NCOA7: variants seen among roughly 807,000 people sequenced by gnomAD.
The protein encoded by NCOA7 is nuclear receptor coactivator 7, also known as 140 kDa estrogen receptor-associated protein.
In NCOA7, 45 loss-of-function variants were observed where a neutral mutation model predicts 104.3. The ratio of observed to expected loss-of-function variants is 0.43; its 90% CI spans 0.34 to 0.55. NCOA7 has a LOEUF of 0.55. NCOA7 is among the 20% of genes least tolerant of loss of function. The probability of loss-of-function intolerance (pLI) is 0.02; values close to 1 mark genes in which losing one functional copy is unlikely to be tolerated. For synonymous variants in NCOA7, 398 were observed against 402.3 expected (o/e 0.99, Z 0.13); for missense variants, 1,041 against 1,119.7 (o/e 0.93, Z 1.00).
At chr6:125,830,000 A>G (rs1296267799) in intron 2 of NCOA7, among the ~76,000 whole-genome samples, 2 of 152,272 alleles carry the variant, frequency 1.3e-5, no homozygotes, top group Non-Finnish European at 2.9e-5. Flanking sequence ...TGGAATATCT[A>G]CTGCCTTTGA....
upstream of NCOA7, among the ~76,000 whole-genome samples, chr6:125,788,753 A>G (rs1774595556): frequency 7.1e-6 from 1 of 141,076 alleles, no homozygotes; most frequent in African/African-American, 2.7e-5. Context: ...CATGTTGGCC[A>G]GGATGGTCTC....
intron 2 of NCOA7, among the ~76,000 whole-genome samples, chr6:125,821,457 TC>T (rs1438637284): frequency 3.3e-5 from 5 of 152,188 alleles, no homozygotes; most frequent in African/African-American, 1.2e-4. Flanking sequence ...AGAACACAGG[TC>T]ACCTGACCTG....
intron 9 of NCOA7, among the ~76,000 whole-genome samples, chr6:125,890,254 C>G (rs961644785): frequency 6.6e-6 from 1 of 152,118 alleles, no homozygotes; most frequent in Non-Finnish European, 1.5e-5. Flanking sequence ...CCTTTATTTT[C>G]TAAATCTAGA....
At chr6:125,812,398 T>C (rs561263377) in intron 1 of NCOA7, among the ~76,000 whole-genome samples, 1 of 152,330 alleles carries the variant, frequency 6.6e-6, no homozygotes, top group East Asian at 1.9e-4. Flanking sequence ...ACAGTTTAGT[T>C]ATCTGCACAG....
intron 11 of NCOA7, among the ~76,000 whole-genome samples, chr6:125,919,957 A>C (rs1424757277): frequency 6.6e-6 from 1 of 152,202 alleles, no homozygotes; most frequent in Non-Finnish European, 1.5e-5. Flanking sequence ...TTGGTGAATT[A>C]GTTGTCTAAT....
intron 10 of NCOA7, among the ~76,000 whole-genome samples, chr6:125,910,290 T>G (rs1222432251): frequency 6.6e-6 from 1 of 152,208 alleles, no homozygotes; most frequent in Non-Finnish European, 1.5e-5. Flanking sequence ...CCTTTTTCTC[T>G]CAAGTCAGCT....
At chr6:125,836,071 C>T (rs542364257) in intron 2 of NCOA7, among the ~76,000 whole-genome samples, 15 of 152,240 alleles carry the variant, frequency 9.9e-5, no homozygotes, top group African/African-American at 2.6e-4. Flanking sequence ...CAAATTCTTT[C>T]ATTAGTTTAG....
intron 2 of NCOA7, among the ~76,000 whole-genome samples, chr6:125,823,420 A>G (rs1033713651): frequency 3.3e-5 from 5 of 152,170 alleles, no homozygotes; most frequent in Non-Finnish European, 5.9e-5. Flanking sequence ...TTTCAAAACC[A>G]TTTTCTATGA....
chr6:125,836,501 A>G (rs1779618295), intron 2 of NCOA7, among the ~76,000 whole-genome samples: 2 of 152,226 alleles, frequency 1.3e-5, no homozygotes, highest in Non-Finnish European at 2.9e-5. Flanking sequence ...AGTTAAAAAC[A>G]TATTTATTTT....
chr6:125,908,609 T>C lies in NCOA7; in HGVS notation c.2097-6724T>C, dbSNP rs1159813523. Among the ~76,000 whole-genome samples the C allele has an allele frequency of 2.6e-5, 4 of 152,324 alleles. No individual in the cohort carries two copies. The East Asian group carries it at 7.7e-4, about 29-fold the overall frequency. On this transcript the variant is annotated intron_variant, in intron 10 of 15. Coordinates refer to ENST00000392477, the MANE Select transcript of NCOA7 (RefSeq NM_181782.5). ...CCTCCTCAGGAAATCCTACAGACTT[T>C]ATATAAATCTTCCTTCTCCCTGACC... is the stretch of plus-strand genomic sequence containing the variant.
intron 1 of NCOA7, among the ~76,000 whole-genome samples, chr6:125,799,392 A>G (rs958170983): frequency 6.6e-6 from 1 of 151,108 alleles, no homozygotes; most frequent in African/African-American, 2.4e-5. Flanking sequence ...GCACTTAAGC[A>G]TTTGTGCCAC....
At position 125,928,609 on chromosome 6, in the gene NCOA7, CTT is replaced by C. The variant is rs76258285; in HGVS notation, c.2694-13_2694-12del. On this transcript the variant is annotated intron_variant, in intron 15 of 15. Coordinates refer to ENST00000392477, the MANE Select transcript of NCOA7 (RefSeq NM_181782.5). ...TCATGTAACATAGAAGTGTTTTTAC[CTT>C]TTTTTTTTTTTTTAACCTTTTCAGG... 15,790 of 1,399,766 alleles carry C rather than the reference CTT, an allele frequency of 0.011. No individual in the cohort carries two copies. The highest frequency in any genetic ancestry group is 0.024 in the South Asian group (1,827 of 76,274). 86.7% of individuals were successfully genotyped at this position (1,399,766 alleles called of 1,614,324 possible). A position where few individuals can be genotyped will look rare whatever the true frequency, so the allele number is the denominator to read the frequency against.
chr6:125,900,005 G>T, intron 10 of NCOA7: 1 of 533,296 alleles, frequency 1.9e-6, no homozygotes, highest in Non-Finnish European at 3.8e-6. Context: ...AATGGGTGCT[G>T]CACACAGTGT....
chr6:125,882,593 G>A (rs1180019354), intron 7 of NCOA7, 42 bp downstream of exon 7: 4 of 1,594,090 alleles, frequency 2.5e-6, no homozygotes, highest in Non-Finnish European at 2.6e-6. Context: ...TGAAATCTAT[G>A]AAAAACTAAA....
chr6:125,917,266 G>A lies in NCOA7; in HGVS notation c.2244+1786G>A, dbSNP rs1469488069. Among the ~76,000 whole-genome samples the A allele has an allele frequency of 2.6e-5, 4 of 151,904 alleles. No individual in the cohort carries two copies. The East Asian group carries it at 7.7e-4, about 29-fold the overall frequency. On this transcript the variant is annotated intron_variant, in intron 11 of 15. Coordinates refer to ENST00000392477, the MANE Select transcript of NCOA7 (RefSeq NM_181782.5). ...ATGTTTTGGAAACACTGACCTGTAGGGTAAGTTTTAAGCTCCTTCGTGGCA... is the reference window on the plus strand; with the variant it reads ...ATGTTTTGGAAACACTGACCTGTAGAGTAAGTTTTAAGCTCCTTCGTGGCA...
intron 2 of NCOA7, among the ~76,000 whole-genome samples, chr6:125,816,419 G>A (rs1024883495): frequency 2.6e-5 from 4 of 152,148 alleles, no homozygotes; most frequent in African/African-American, 7.2e-5. Context: ...TCCATTTCAT[G>A]CAGCATAAGA....
chr6:125,793,642 T>G (rs964717104), intron 1 of NCOA7, among the ~76,000 whole-genome samples: 3 of 152,182 alleles, frequency 2.0e-5, no homozygotes, highest in Non-Finnish European at 4.4e-5. Flanking sequence ...AGGCTGTATT[T>G]TAGAAACCTC....
In NCOA7 at chr6:125,862,560, G is replaced by A. The variant is rs185560702; in HGVS notation, c.271+7320G>A. ...ATTAGGTCATTTTGGCAGTGCCCAC[G>A]TGAATGGCATTTTTGCCACTGTGGG... is the stretch of plus-strand genomic sequence containing the variant. On this transcript the variant is annotated intron_variant, in intron 3 of 15. Coordinates refer to ENST00000392477, the MANE Select transcript of NCOA7 (RefSeq NM_181782.5). Among the ~76,000 whole-genome samples the A allele has an allele frequency of 2.9e-5, 4 of 138,504 alleles. 1 individual carries two copies. The highest frequency in any genetic ancestry group is 2.1e-4 in the East Asian group (1 of 4,760). 90.9% of individuals were successfully genotyped at this position (138,504 alleles called of 152,430 possible). A position where few individuals can be genotyped will look rare whatever the true frequency, so the allele number is the denominator to read the frequency against.
chr6:125,822,562 C>CT (rs2128581583), intron 2 of NCOA7, among the ~76,000 whole-genome samples: 1 of 152,292 alleles, frequency 6.6e-6, no homozygotes, highest in East Asian at 1.9e-4. Flanking sequence ...GTCTGTATCT[C>CT]TGAGTGTTAT....
Sources: gnomAD v4.1 joint callset for allele counts (sites outside exome capture counted in the v4.1 genomes callset) on GRCh38, gnomAD v4.1.1 for gene constraint, MANE v1.5 for transcripts, NCBI Gene and HGNC (gene_info 2026-07-23, HGNC 2026-07-21) for gene names.